Variants in HIVEP3 observed in about 807,000 individuals in gnomAD.
The protein encoded by HIVEP3 is HIVEP zinc finger 3.
Under a neutral mutation model 152.8 loss-of-function variants are expected in HIVEP3, and 49 were observed. That is an observed-to-expected ratio of 0.32 (90% CI 0.26 to 0.41). The LOEUF (loss-of-function observed/expected upper bound fraction) is 0.41, where lower values mean the gene tolerates loss of function less well. Among genes scored for constraint, HIVEP3 ranks in the 10% least tolerant of loss-of-function variants. HIVEP3 has a pLI of 1.00. For missense variants in HIVEP3, 2,790 were observed against 3,103.3 expected (o/e 0.90, Z 2.40); for synonymous variants, 1,269 against 1,289.0 (o/e 0.98, Z 0.33).
At chr1:41,632,062 C>G (rs1326054095) in intron 2 of HIVEP3, among the ~76,000 whole-genome samples, 2 of 152,118 alleles carry the variant, frequency 1.3e-5, no homozygotes, top group Admixed American at 6.5e-5. Context: ...CCAGAATACC[C>G]CAAGCACATT....
At chr1:41,724,258 A>G (rs1225745218) in intron 1 of HIVEP3, among the ~76,000 whole-genome samples, 3 of 152,220 alleles carry the variant, frequency 2.0e-5, no homozygotes, top group African/African-American at 7.2e-5. Context: ...CAGCTTCAAG[A>G]TAAGTCTTCT....
chr1:41,513,296 T>C lies in HIVEP3; in HGVS notation c.5925A>G (p.Ala1975=), dbSNP rs767220097. Residue 1975 remains alanine (A), a synonymous_variant, in exon 8 of 9, where the codon GCA becomes GCG. Coordinates refer to ENST00000372583, the MANE Select transcript of HIVEP3 (RefSeq NM_024503.5). ...PRRPWSPSKE[A]GSRPPLARKH... ...TGCGGGCTAGTGGTGGACGGCTGCC[T>C]GCTTCTTTGCTTGGGGACCACGGTC... The C allele has an allele frequency of 4.3e-6, 7 of 1,609,500 alleles. No homozygotes were observed. Among genetic ancestry groups the C allele is most frequent in the Non-Finnish European group, 3.4e-6 (4 of 1,178,116 alleles).
At chr1:41,784,983 A>G (rs566542105) in intron 1 of HIVEP3, among the ~76,000 whole-genome samples, 22 of 152,342 alleles carry the variant, frequency 1.4e-4, no homozygotes, top group Admixed American at 1.3e-3. Context: ...CAAAGTTTTG[A>G]AAAATACTGT....
At chr1:41,628,644 TAATAAC>T in intron 3 of HIVEP3, 99 bp downstream of exon 3, 6 of 894,088 alleles carry the variant, frequency 6.7e-6, no homozygotes, top group Non-Finnish European at 8.8e-6. Context: ...ATAACACTAA[TAATAAC>T]AATAATACAT....
At chr1:41,593,729 C>T (rs1444622032) in intron 3 of HIVEP3, among the ~76,000 whole-genome samples, 3 of 152,254 alleles carry the variant, frequency 2.0e-5, no homozygotes, top group South Asian at 4.1e-4. Context: ...ATTTGGTTCC[C>T]ATTGCTGCTG....
chr1:41,821,593 T>C (rs906410432), intron 1 of HIVEP3, among the ~76,000 whole-genome samples: 1 of 152,068 alleles, frequency 6.6e-6, no homozygotes, highest in African/African-American at 2.4e-5. Context: ...CTCTCCACAA[T>C]CCAAAAGTCC....
chr1:41,610,591 A>G (rs1054390079), intron 3 of HIVEP3, among the ~76,000 whole-genome samples: 1 of 152,194 alleles, frequency 6.6e-6, no homozygotes, highest in Non-Finnish European at 1.5e-5. Flanking sequence ...CTGCTCCTGA[A>G]TATCAGTCAC....
At chr1:41,779,894 G>A (rs1037437145) in intron 1 of HIVEP3, among the ~76,000 whole-genome samples, 1 of 152,216 alleles carries the variant, frequency 6.6e-6, no homozygotes, top group East Asian at 1.9e-4. Flanking sequence ...GACAGATGCC[G>A]ATGTGCACCC....
At chr1:41,938,863 G>A (rs888609509) in intron 1 of HIVEP3, among the ~76,000 whole-genome samples, 2 of 152,194 alleles carry the variant, frequency 1.3e-5, no homozygotes, top group Non-Finnish European at 2.9e-5. Flanking sequence ...CACATTCTTT[G>A]ACTTCTGCAT....
At chr1:41,783,137 C>T (rs986100332) in intron 1 of HIVEP3, among the ~76,000 whole-genome samples, 5 of 152,052 alleles carry the variant, frequency 3.3e-5, no homozygotes, top group Admixed American at 6.5e-5. Flanking sequence ...TCCTGGGAAC[C>T]GAGTACAGAG....
chr1:41,847,743 G>C (rs138468331), intron 1 of HIVEP3: 1 of 152,302 alleles, frequency 6.6e-6, no homozygotes, highest in African/African-American at 2.4e-5. Context: ...GGGTGGATCC[G>C]TGTTCCAGTC....
chr1:41,978,406 C>A (rs1191402005), intron 1 of HIVEP3, among the ~76,000 whole-genome samples: 1 of 152,102 alleles, frequency 6.6e-6, no homozygotes, highest in Non-Finnish European at 1.5e-5. Flanking sequence ...GGGTCCAGTA[C>A]ACTGGTGTCC....
rs991837445 is a variant in HIVEP3, at chr1:41,584,031, C to G, written c.767G>C (p.Gly256Ala). Residue 256 changes from glycine to alanine, a missense_variant, in exon 4 of 9, where the codon GGC (glycine) becomes GCC (alanine). Physicochemically the swap from Gly to Ala is moderately conservative, Grantham distance 60 (BLOSUM62 0). This residue lies in a region of HIVEP3 where 125 missense variants were observed against 130.1 expected (regional missense o/e 0.96). Coordinates refer to ENST00000372583, the MANE Select transcript of HIVEP3 (RefSeq NM_024503.5). This position sits in a 1 kb window ranked among gnomAD's most constrained non-coding sequence, Gnocchi z 5.2. ...CTCCAGCCCATGTGGGTACATCTCG[C>G]CACCCATGCCTGAGGCCAGGCCTGC... is the stretch of plus-strand genomic sequence containing the variant. ...IKAGLASGMG[G>A]EMYPHGLEME... The G allele has an allele frequency of 6.2e-7, 1 of 1,614,074 alleles. No homozygotes were observed. The highest frequency in any genetic ancestry group is 1.3e-5 in the African/African-American group (1 of 74,938).
chr1:41,508,722 TC>T lies in HIVEP3; in HGVS notation c.*1728del, dbSNP rs1644409337. Reference sequence around the variant, plus strand: ...GGAACTCACAGAAGGGTCTTAACCCTCCCCACCTACTGTGTCCTGTACCCAA... The same window carrying T: ...GGAACTCACAGAAGGGTCTTAACCCTCCCACCTACTGTGTCCTGTACCCAA... On this transcript the variant is annotated 3_prime_UTR_variant, in exon 9 of 9. Coordinates refer to ENST00000372583, the MANE Select transcript of HIVEP3 (RefSeq NM_024503.5). 3 of 152,246 alleles carry T rather than the reference TC, an allele frequency of 2.0e-5. No individual in the cohort carries two copies. Among genetic ancestry groups the T allele is most frequent in the Non-Finnish European group, 2.9e-5 (2 of 68,128 alleles). The allele number at this position is 152,246 out of a possible 1,614,324, so 9.4% of individuals were successfully genotyped here.
chr1:41,758,957 T>C (rs979984632), intron 1 of HIVEP3, among the ~76,000 whole-genome samples: 3 of 152,122 alleles, frequency 2.0e-5, no homozygotes, highest in African/African-American at 7.2e-5. Flanking sequence ...ATACATAACA[T>C]TTGCCATTTT....
intron 6 of HIVEP3, among the ~76,000 whole-genome samples, chr1:41,520,595 C>T (rs1005390118): frequency 8.5e-5 from 13 of 152,206 alleles, no homozygotes; most frequent in Non-Finnish European, 1.3e-4. Flanking sequence ...CCACCCTACC[C>T]TGACTACCCC....
At chr1:41,800,561 G>GAACCGCCCAGCCAAGACCAGCAGAC (rs1650242851) in intron 1 of HIVEP3, among the ~76,000 whole-genome samples, 1 of 152,224 alleles carries the variant, frequency 6.6e-6, no homozygotes, top group South Asian at 2.1e-4. Context: ...GACCAGCAGA[G>GAACCGCCCAGCCAAGACCAGCAGAC]AACCACCCAG....
chr1:42,013,497 A>G (rs972553187), intron 1 of HIVEP3, among the ~76,000 whole-genome samples: 4 of 152,222 alleles, frequency 2.6e-5, no homozygotes, highest in African/African-American at 9.6e-5. Context: ...TAAAATCTCA[A>G]CAGGAGCCCT....
chr1:41,929,560 T>G (rs919419054), intron 1 of HIVEP3, among the ~76,000 whole-genome samples: 1 of 151,838 alleles, frequency 6.6e-6, no homozygotes, highest in Non-Finnish European at 1.5e-5. Context: ...TTGGGGAACC[T>G]GATGTGCTCA....
Sources: allele counts gnomAD v4.1 joint callset (sites outside exome capture counted in the v4.1 genomes callset), GRCh38; gene constraint gnomAD v4.1.1; regional missense constraint gnomAD v4.1.1; non-coding constraint Gnocchi (gnomAD v3.1); transcripts MANE v1.5; gene names NCBI Gene and HGNC (gene_info 2026-07-23, HGNC 2026-07-21).